Variants in UST observed in about 807,000 individuals in gnomAD.
UST encodes the protein uronyl 2-sulfotransferase.
In UST, 21 loss-of-function variants were observed where a neutral mutation model predicts 45.6. The observed-to-expected ratio is 0.46, with a 90% CI of 0.33 to 0.66. The LOEUF is 0.66. Ranked by LOEUF, UST falls within the 30% of genes least tolerant of loss-of-function variation. The pLI, the probability that UST is intolerant of heterozygous loss-of-function variation, is 0.02. For synonymous variants in UST, 215 were observed against 200.6 expected (o/e 1.07, Z -0.61); for missense variants, 463 against 512.4 (o/e 0.90, Z 0.93).
chr6:148,829,673 A>T (rs1251887837), intron 1 of UST, among the ~76,000 whole-genome samples: 1 of 151,560 alleles, frequency 6.6e-6, no homozygotes, highest in African/African-American at 2.4e-5. Context: ...CCTTATTTTT[A>T]CCCTCGGTTT....
rs1037755950 is a variant in UST at position 148,873,546 on chromosome 6, G to A, written c.248-13440G>A. 2.0e-5 allele frequency among the ~76,000 whole-genome samples: 3 copies of A among 152,312 alleles called. No individual in the cohort carries two copies. In the South Asian group the frequency reaches 6.2e-4, roughly 32 times the overall value. On this transcript the variant is annotated intron_variant, in intron 1 of 7. Transcript: ENST00000367463. The stretch of plus-strand genomic sequence containing the variant: ...GGCCACCCCTGATCTAGACAGATCA[G>A]CCTCAAAGGGATGAAGATCTCACAA...
At chr6:148,958,709 TTGTC>T (rs1780579787) in intron 4 of UST, among the ~76,000 whole-genome samples, 1 of 152,156 alleles carries the variant, frequency 6.6e-6, no homozygotes, top group African/African-American at 2.4e-5. Context: ...CAATTCAAAT[TTGTC>T]TGTCCCCTGC....
intron 1 of UST, among the ~76,000 whole-genome samples, chr6:148,875,635 C>G (rs537142779): frequency 6.6e-6 from 1 of 152,352 alleles, no homozygotes; most frequent in Admixed American, 6.5e-5. Flanking sequence ...GAAACCCCAT[C>G]TCTACTAAAA....
intron 7 of UST, among the ~76,000 whole-genome samples, chr6:149,056,123 T>G (rs1274078846): frequency 9.2e-6 from 1 of 108,376 alleles, no homozygotes; most frequent in Non-Finnish European, 1.8e-5. Flanking sequence ...TTTTCTTTTT[T>G]TTTTTTTTTT....
chr6:148,747,688 T>A lies in UST; in HGVS notation c.247+11T>A. ...TGCGGCAGTACTTGGGTAAGGAAGCTGGGCAGGCGCTAGGGCGGCGCCGAC... is the reference window on the plus strand; with the variant it reads ...TGCGGCAGTACTTGGGTAAGGAAGCAGGGCAGGCGCTAGGGCGGCGCCGAC... On this transcript the variant is annotated intron_variant, in intron 1 of 7. Transcript: ENST00000367463. 1 of 1,586,274 alleles carries A rather than the reference T, an allele frequency of 6.3e-7. No individual in the cohort carries two copies. The highest frequency in any genetic ancestry group is 8.6e-7 in the Non-Finnish European group (1 of 1,167,702).
At position 148,857,249 on chromosome 6, in the gene UST, G is replaced by A. The variant is rs566930743; in HGVS notation, c.248-29737G>A. ...TAAGGAGAGCCACAGCTACTCTCAC[G>A]GTCAGAGCCCCCTAAGCACACACAT... On this transcript the variant is annotated intron_variant, in intron 1 of 7. Coordinates refer to ENST00000367463, the MANE Select transcript of UST (RefSeq NM_005715.3). Among the ~76,000 whole-genome samples, 8 of 152,166 alleles carry A rather than the reference G, an allele frequency of 5.3e-5. No individual in the cohort carries two copies. In the South Asian group the frequency reaches 8.3e-4, roughly 16 times the overall value.
intron 5 of UST, among the ~76,000 whole-genome samples, chr6:148,979,545 G>T (rs1375191691): frequency 6.6e-6 from 1 of 152,150 alleles, no homozygotes; most frequent in Non-Finnish European, 1.5e-5. Context: ...CATTGGAAAA[G>T]GGAGAAATCT....
At chr6:149,048,555 G>GAGAGACAC (rs1239481317) in intron 7 of UST, among the ~76,000 whole-genome samples, 6 of 150,794 alleles carry the variant, frequency 4.0e-5, no homozygotes, top group Admixed American at 2.6e-4. Flanking sequence ...AAAAGAGAGA[G>GAGAGACAC]AGAGACACAG....
rs139823892 is a variant in UST at position 148,964,433 on chromosome 6, A to G, written c.551A>G (p.Tyr184Cys). 68 of 1,614,074 alleles carry G rather than the reference A, an allele frequency of 4.2e-5. No homozygotes were observed. Among genetic ancestry groups the G allele is most frequent in the Non-Finnish European group, 1.8e-5 (21 of 1,180,046 alleles). ...FSRFGGDQPV[Y>C]INIIRDPVNR... The stretch of plus-strand genomic sequence containing the variant: ...AGGTTTGGAGGAGACCAGCCTGTCT[A>G]CATCAACATCATTAGAGACCCCGTC... The change falls in exon 5 of 8, where the codon TAC becomes TGC. Residue 184 changes from tyrosine (Y) to cysteine (C), a missense_variant. By Grantham distance (194) the Tyr-to-Cys change is radical. Around this residue, in one of 2 missense-constraint regions of UST, gnomAD observed 287 missense variants for 374.2 expected, o/e 0.77. Transcript: ENST00000367463.
intron 5 of UST, among the ~76,000 whole-genome samples, chr6:149,002,579 T>G (rs1008664519): frequency 6.6e-6 from 1 of 152,212 alleles, no homozygotes; most frequent in African/African-American, 2.4e-5. Flanking sequence ...CAATCTCAGC[T>G]CACTGCAACC....
intron 1 of UST, among the ~76,000 whole-genome samples, chr6:148,791,306 T>C (rs752598924): frequency 6.6e-6 from 1 of 152,224 alleles, no homozygotes; most frequent in Non-Finnish European, 1.5e-5. Flanking sequence ...TGGATGAGCA[T>C]TGGTCACCAA....
intron 5 of UST, among the ~76,000 whole-genome samples, chr6:148,970,273 T>A (rs1044471871): frequency 1.3e-5 from 2 of 152,128 alleles, no homozygotes; most frequent in Admixed American, 1.3e-4. Flanking sequence ...TAGAATAGAA[T>A]GCTACCCCCT....
At chr6:148,812,522 G>C (rs1185134840) in intron 1 of UST, among the ~76,000 whole-genome samples, 1 of 152,176 alleles carries the variant, frequency 6.6e-6, no homozygotes, top group Non-Finnish European at 1.5e-5. Flanking sequence ...TCATGAGGTT[G>C]CAGTCAAGCT....
chr6:149,040,713 A>C (rs1395928447), intron 7 of UST, among the ~76,000 whole-genome samples: 2 of 152,186 alleles, frequency 1.3e-5, no homozygotes, highest in Admixed American at 1.3e-4. Context: ...CAGTCAGTGA[A>C]AGACCTGCGA....
chr6:148,954,059 T>C (rs570587962), intron 4 of UST, 108 bp downstream of exon 4: 9 of 767,158 alleles, frequency 1.2e-5, no homozygotes, highest in Non-Finnish European at 1.6e-5. Flanking sequence ...GAAAAGACAT[T>C]TTTAATCCGT....
rs34342100 is a variant in UST at position 148,748,399 on chromosome 6, T to TTGTGTGTGTGTGTGTGTGTGTGTG, written c.247+753_247+776dup. 7.8e-6 allele frequency among the ~76,000 whole-genome samples: 1 copy of TTGTGTGTGTGTGTGTGTGTGTGTG among 127,530 alleles called. No individual in the cohort carries two copies. Among genetic ancestry groups the TTGTGTGTGTGTGTGTGTGTGTGTG allele is most frequent in the African/African-American group, 3.1e-5 (1 of 32,488 alleles). 83.7% of individuals were successfully genotyped at this position (127,530 alleles called of 152,430 possible). A position where few individuals can be genotyped will look rare whatever the true frequency, so the allele number is the denominator to read the frequency against. ...GTGCGTCTCAAGCTCAAGTCAAAAC[T>TTGTGTGTGTGTGTGTGTGTGTGTG]TGTGTGTGTGTGTGTGTGTGTGTGT... On this transcript the variant is annotated intron_variant, in intron 1 of 7. Transcript: ENST00000367463. This position sits in a 1 kb window ranked among gnomAD's most constrained non-coding sequence, Gnocchi z 5.3.
chr6:148,936,259 G>A (rs913833134), intron 2 of UST, among the ~76,000 whole-genome samples: 2 of 152,152 alleles, frequency 1.3e-5, no homozygotes, highest in African/African-American at 4.8e-5. Flanking sequence ...GCTGGAGATG[G>A]GGGTGATAGA....
chr6:148,844,171 A>G (rs1340876600), intron 1 of UST, among the ~76,000 whole-genome samples: 2 of 152,220 alleles, frequency 1.3e-5, no homozygotes, highest in Non-Finnish European at 2.9e-5. Flanking sequence ...CTTTTTTAAA[A>G]GCAAGAATGA....
In UST at chr6:148,964,482, T is replaced by C. The variant is rs1192489020; in HGVS notation, c.600T>C (p.Phe200=). The C allele has an allele frequency of 1.9e-6, 3 of 1,614,206 alleles. No individual in the cohort carries two copies. The highest frequency in any genetic ancestry group is 2.5e-6 in the Non-Finnish European group (3 of 1,180,038). ...DPVNRFLSNY[F]FRRFGDWRGE... ...TCAACCGGTTCTTATCCAACTATTT[T>C]TTCCGTCGCTTTGGAGACTGGAGAG... The change falls in exon 5 of 8, where the codon TTT becomes TTC. Residue 200 remains phenylalanine, a synonymous_variant. Transcript: ENST00000367463.
Sources: gnomAD v4.1 joint callset for allele counts (sites outside exome capture counted in the v4.1 genomes callset) on GRCh38, gnomAD v4.1.1 for gene constraint, gnomAD v4.1.1 regional missense constraint, Gnocchi (gnomAD v3.1) non-coding constraint, MANE v1.5 for transcripts, NCBI Gene and HGNC (gene_info 2026-07-23, HGNC 2026-07-21) for gene names.